Variants in B4GALNT3 observed in about 807,000 individuals in gnomAD.
B4GALNT3 encodes the protein beta-1,4-N-acetylgalactosaminyltransferase 3.
Under a neutral mutation model 120.2 loss-of-function variants are expected in B4GALNT3, and 86 were observed. The ratio of observed to expected loss-of-function variants is 0.72; its 90% confidence interval spans 0.60 to 0.86. The LOEUF (loss-of-function observed/expected upper bound fraction) is 0.86, where lower values mean the gene tolerates loss of function less well. B4GALNT3 is among the 40% of genes least tolerant of loss of function. The pLI is 0.00. For missense variants in B4GALNT3, 1,167 were observed against 1,298.9 expected (o/e 0.90, Z 1.56); for synonymous variants, 518 against 510.4 (o/e 1.01, Z -0.20).
At chr12:554,674 C>T (rs1947127151) in intron 14 of B4GALNT3, among the ~76,000 whole-genome samples, 1 of 149,342 alleles carries the variant, frequency 6.7e-6, no homozygotes, top group African/African-American at 2.5e-5. Flanking sequence ...CCTGTAGTCC[C>T]AGCTACTCGG....
At chr12:552,330 CA>C (rs1233197032) in intron 12 of B4GALNT3, 136 bp from the exon 13 acceptor site, 27 of 913,128 alleles carry the variant, frequency 3.0e-5, no homozygotes, top group Middle Eastern at 2.2e-4. Context: ...CACACACACA[CA>C]CACACCCGCT....
At chr12:498,614 T>C (rs1230875186) in intron 1 of B4GALNT3, among the ~76,000 whole-genome samples, 1 of 150,672 alleles carries the variant, frequency 6.6e-6, no homozygotes, top group East Asian at 1.9e-4. Context: ...ACAGGCATCA[T>C]AGAAGGAAGA....
At chr12:483,958 G>T (rs867542499) in intron 1 of B4GALNT3, among the ~76,000 whole-genome samples, 3 of 152,184 alleles carry the variant, frequency 2.0e-5, no homozygotes, top group Admixed American at 6.5e-5. Flanking sequence ...GGAGAAAAAG[G>T]CAGGAAAGTT....
At chr12:512,753 TCCA>T (rs1946604326) in intron 1 of B4GALNT3, among the ~76,000 whole-genome samples, 1 of 141,010 alleles carries the variant, frequency 7.1e-6, no homozygotes, top group Non-Finnish European at 1.5e-5. Flanking sequence ...CCTTCCACCT[TCCA>T]CCTTCCGCCT....
At chr12:514,135 C>T (rs1321314985) in intron 1 of B4GALNT3, among the ~76,000 whole-genome samples, 3 of 152,174 alleles carry the variant, frequency 2.0e-5, no homozygotes, top group Non-Finnish European at 4.4e-5. Flanking sequence ...ACATTCTCAC[C>T]AGCCATGTAT....
At chr12:498,761 T>C (rs1390838520) in intron 1 of B4GALNT3, among the ~76,000 whole-genome samples, 1 of 152,164 alleles carries the variant, frequency 6.6e-6, no homozygotes, top group Non-Finnish European at 1.5e-5. Flanking sequence ...TTTTGGATGT[T>C]CCCGCGTCTG....
intron 1 of B4GALNT3, among the ~76,000 whole-genome samples, chr12:496,205 A>G (rs1946386082): frequency 6.6e-6 from 1 of 152,052 alleles, no homozygotes; most frequent in Non-Finnish European, 1.5e-5. Context: ...TCTAGCTCTC[A>G]CTTTTCTTTT....
At position 460,086 on chromosome 12, in the gene B4GALNT3, C is replaced by G. The variant is rs995379460; in HGVS notation, c.-291C>G. 1.0e-3 allele frequency among the ~76,000 whole-genome samples: 153 copies of G among 151,174 alleles called. 1 individual carries two copies. The highest frequency in any genetic ancestry group is 3.0e-3 in the Admixed American group (46 of 15,204). On this transcript the variant is annotated 5_prime_UTR_variant, in exon 1 of 20. Coordinates refer to ENST00000266383, the MANE Select transcript of B4GALNT3 (RefSeq NM_173593.4). The surrounding 1 kb of genome is among the most constrained non-coding windows in gnomAD (Gnocchi z 8.0). ...CGCAGGGAGGGAGGGCGGCAGCGAGCCTGCGACGGGAGAGGCGTGGGGAGG... is the reference window on the plus strand; with the variant it reads ...CGCAGGGAGGGAGGGCGGCAGCGAGGCTGCGACGGGAGAGGCGTGGGGAGG...
At chr12:478,229 G>A (rs1413837440) in intron 1 of B4GALNT3, among the ~76,000 whole-genome samples, 2 of 146,720 alleles carry the variant, frequency 1.4e-5, no homozygotes, top group Non-Finnish European at 3.0e-5. Flanking sequence ...CAGCCTGGGT[G>A]GCAGAGTGAC....
intron 1 of B4GALNT3, among the ~76,000 whole-genome samples, chr12:509,463 C>T (rs953715136): frequency 1.3e-5 from 2 of 152,136 alleles, no homozygotes; most frequent in East Asian, 1.9e-4. Flanking sequence ...ATACTGAAAC[C>T]CGGATACGGA....
chr12:512,402 G>GACCTTCC (rs879867862), intron 1 of B4GALNT3, among the ~76,000 whole-genome samples: 8,313 of 42,888 alleles, frequency 0.19, 414 homozygotes, highest in African/African-American at 0.27. Flanking sequence ...TTCCACCTTT[G>GACCTTCC]ACCTTCCACC....
At chr12:536,370 A>C in intron 3 of B4GALNT3, 75 bp downstream of exon 3, 1 of 1,332,384 alleles carries the variant, frequency 7.5e-7, no homozygotes, top group Non-Finnish European at 1.1e-6. Context: ...CAGAGATCAC[A>C]GAAAACTTTC....
At chr12:545,288 C>G (rs552695834) in intron 5 of B4GALNT3, 81 bp from the exon 6 acceptor site, 1 of 1,523,740 alleles carries the variant, frequency 6.6e-7, no homozygotes, top group Non-Finnish European at 8.8e-7. Context: ...GGAATTTAAT[C>G]GCTAAGACAC....
chr12:545,644 G>T (rs1946984717), intron 6 of B4GALNT3, among the ~76,000 whole-genome samples, 175 bp downstream of exon 6: 1 of 150,618 alleles, frequency 6.6e-6, no homozygotes, highest in Admixed American at 6.6e-5. Flanking sequence ...CTGAGGATGG[G>T]GAGGAGTGAG....
chr12:496,690 T>C (rs1453474738), intron 1 of B4GALNT3, among the ~76,000 whole-genome samples: 2 of 152,296 alleles, frequency 1.3e-5, no homozygotes, highest in African/African-American at 4.8e-5. Flanking sequence ...TTCCCAAATA[T>C]TTCCGTCACC....
intron 9 of B4GALNT3, 70 bp from the exon 10 acceptor site, chr12:549,699 C>G (rs1424472905): frequency 1.9e-6 from 3 of 1,588,566 alleles, no homozygotes; most frequent in South Asian, 2.2e-5. Flanking sequence ...TCTTCCCTCC[C>G]CTTCAAGGGC....
At chr12:525,266 A>G (rs1369722038) in intron 1 of B4GALNT3, among the ~76,000 whole-genome samples, 2 of 151,688 alleles carry the variant, frequency 1.3e-5, no homozygotes, top group African/African-American at 2.4e-5. Flanking sequence ...GCACCACCAC[A>G]CCCCACTAAT....
chr12:466,533 T>G (rs1271584487), intron 1 of B4GALNT3, among the ~76,000 whole-genome samples: 1 of 152,204 alleles, frequency 6.6e-6, no homozygotes, highest in Non-Finnish European at 1.5e-5. Context: ...TTCACATAAT[T>G]AATAGATTTA....
intron 3 of B4GALNT3, among the ~76,000 whole-genome samples, chr12:542,814 T>C (rs1388467848): frequency 6.6e-6 from 1 of 152,144 alleles, no homozygotes; most frequent in East Asian, 1.9e-4. Context: ...CTAGGAGGCC[T>C]CAGAGAGCTG....
Sources: gnomAD v4.1 joint callset for allele counts (sites outside exome capture counted in the v4.1 genomes callset) on GRCh38, gnomAD v4.1.1 for gene constraint, Gnocchi (gnomAD v3.1) non-coding constraint, MANE v1.5 for transcripts, NCBI Gene and HGNC (gene_info 2026-07-23, HGNC 2026-07-21) for gene names.